TUSC3: variants seen among roughly 807,000 people sequenced by gnomAD.
The protein encoded by TUSC3 is tumor suppressor candidate 3.
Under a neutral mutation model 44.8 loss-of-function variants are expected in TUSC3, and 45 were observed. The observed-to-expected ratio is 1.00, with a 90% CI of 0.79 to 1.29. The LOEUF (loss-of-function observed/expected upper bound fraction) is 1.29. TUSC3 is among the 50% of genes most tolerant of loss of function. TUSC3 has a pLI of 0.00. For missense variants in TUSC3, 519 were observed against 437.9 expected (o/e 1.19, Z -1.65); for synonymous variants, 212 against 152.9 (o/e 1.39, Z -2.85).
the TUSC3 span, chr8:15,806,875 G>A: frequency 8.7e-7 from 1 of 1,155,864 alleles, no homozygotes; most frequent in African/African-American, 1.5e-5. Context: ...AAATAATTAT[G>A]TTGGGGAGAA....
At chr8:15,825,760 AT>A in the TUSC3 span, among the ~76,000 whole-genome samples, 21,322 of 151,846 alleles carry the variant, frequency 0.14, 1,659 homozygotes, top group East Asian at 0.25. Context: ...CCTCCTATGC[AT>A]TTTTTTGCCC....
At chr8:15,692,159 C>A (rs1042381261) in intron 6 of TUSC3, among the ~76,000 whole-genome samples, 1 of 152,068 alleles carries the variant, frequency 6.6e-6, no homozygotes, top group Non-Finnish European at 1.5e-5. Flanking sequence ...ACATTGCATA[C>A]CAGGGATAAA....
chr8:15,421,439 A>G (rs977105397), intron 1 of TUSC3, among the ~76,000 whole-genome samples: 44 of 152,110 alleles, frequency 2.9e-4, no homozygotes, highest in African/African-American at 8.9e-4. Flanking sequence ...CAACCTCTTC[A>G]CTCATCAAGT....
intron 1 of TUSC3, among the ~76,000 whole-genome samples, chr8:15,446,436 A>C (rs1027060281): frequency 1.6e-4 from 25 of 152,088 alleles, no homozygotes; most frequent in Non-Finnish European, 3.2e-4. Flanking sequence ...AGCCTGGGCA[A>C]CATTGAGCAC....
chr8:15,811,192 G>A, the TUSC3 span, among the ~76,000 whole-genome samples: 3 of 152,180 alleles, frequency 2.0e-5, no homozygotes, highest in Admixed American at 1.3e-4. Context: ...GTAAGCAAAT[G>A]AAGCTAACAA....
intron 7 of TUSC3, among the ~76,000 whole-genome samples, chr8:15,738,491 A>G (rs1013274307): frequency 6.6e-6 from 1 of 152,152 alleles, no homozygotes; most frequent in Non-Finnish European, 1.5e-5. Flanking sequence ...ACACCCATTC[A>G]TTTACGTATT....
At chr8:15,454,551 T>C (rs1170810530) in intron 1 of TUSC3, among the ~76,000 whole-genome samples, 1 of 152,242 alleles carries the variant, frequency 6.6e-6, no homozygotes, top group African/African-American at 2.4e-5. Context: ...TCCAGCTCGC[T>C]ATTTGTTTCA....
At chr8:15,490,077 CAGA>C (rs1800787250) in intron 2 of TUSC3, among the ~76,000 whole-genome samples, 3 of 152,138 alleles carry the variant, frequency 2.0e-5, no homozygotes, top group African/African-American at 7.2e-5. Flanking sequence ...GTATGTAAAA[CAGA>C]AGGAATTTGT....
chr8:15,617,729 T>G (rs1805057952), intron 1 of TUSC3, among the ~76,000 whole-genome samples: 1 of 152,240 alleles, frequency 6.6e-6, no homozygotes. Flanking sequence ...TTTTCCAAAG[T>G]TATGTTTACG....
chr8:15,691,881 C>G (rs1808916256), intron 6 of TUSC3, among the ~76,000 whole-genome samples: 1 of 151,874 alleles, frequency 6.6e-6, no homozygotes, highest in African/African-American at 2.4e-5. Context: ...TGGGTTCAAA[C>G]AATTCTCTTG....
At chr8:15,648,467 C>G (rs1292796342) in intron 2 of TUSC3, among the ~76,000 whole-genome samples, 2 of 151,010 alleles carry the variant, frequency 1.3e-5, no homozygotes, top group Non-Finnish European at 2.9e-5. Flanking sequence ...TGGCTCACGC[C>G]TGTAATCCCA....
At chr8:15,639,957 C>G (rs763459004) in intron 2 of TUSC3, among the ~76,000 whole-genome samples, 1 of 152,038 alleles carries the variant, frequency 6.6e-6, no homozygotes, top group Non-Finnish European at 1.5e-5. Flanking sequence ...TGTGCCCATG[C>G]AGAAGAGAGT....
the TUSC3 span, among the ~76,000 whole-genome samples, chr8:15,788,389 A>C: frequency 1.3e-5 from 2 of 152,012 alleles, no homozygotes; most frequent in Admixed American, 1.3e-4. Context: ...TCTACTAAAA[A>C]TAAACAAATT....
chr8:15,768,411 G>A (rs576620509), downstream of TUSC3, among the ~76,000 whole-genome samples: 1 of 151,974 alleles, frequency 6.6e-6, no homozygotes, highest in African/African-American at 2.4e-5. Context: ...AAAACATGAG[G>A]CATATGAAGA....
the TUSC3 span, among the ~76,000 whole-genome samples, chr8:15,774,324 G>C: frequency 6.6e-6 from 1 of 152,112 alleles, no homozygotes; most frequent in South Asian, 2.1e-4. Context: ...AATGTAATTA[G>C]TTAAGATGAG....
At chr8:15,745,648 GTT>G (rs1811384200) in intron 8 of TUSC3, among the ~76,000 whole-genome samples, 1 of 151,700 alleles carries the variant, frequency 6.6e-6, no homozygotes, top group East Asian at 1.9e-4. Context: ...TAATGGGGTT[GTT>G]TTTTGCTTGT....
intron 1 of TUSC3, among the ~76,000 whole-genome samples, chr8:15,458,932 C>T (rs1800301716): frequency 6.6e-6 from 1 of 152,174 alleles, no homozygotes; most frequent in African/African-American, 2.4e-5. Flanking sequence ...CCACTAGTTC[C>T]CTAAGACCAA....
chr8:15,703,868 C>A (rs1261715009), intron 6 of TUSC3, among the ~76,000 whole-genome samples: 1 of 152,064 alleles, frequency 6.6e-6, no homozygotes, highest in African/African-American at 2.4e-5. Context: ...ACATACAAAC[C>A]ATAGCACTGT....
chr8:15,629,623 T>C (rs1331369332), intron 2 of TUSC3, among the ~76,000 whole-genome samples: 2 of 150,534 alleles, frequency 1.3e-5, no homozygotes, highest in Non-Finnish European at 3.0e-5. Flanking sequence ...TTTGGACCAC[T>C]TCTGTAACAC....
Sources: gnomAD v4.1 joint callset for allele counts (sites outside exome capture counted in the v4.1 genomes callset) on GRCh38, gnomAD v4.1.1 for gene constraint, MANE v1.5 for transcripts, NCBI Gene and HGNC (gene_info 2026-07-23, HGNC 2026-07-21) for gene names.